Variants in PPP1R12A observed in about 807,000 individuals in gnomAD.
The protein encoded by PPP1R12A is protein phosphatase 1 regulatory subunit 12A.
A neutral mutation model predicts 139.6 loss-of-function variants in PPP1R12A; 19 were observed. The ratio of observed to expected loss-of-function variants is 0.14; its 90% confidence interval spans 0.09 to 0.20. The LOEUF is 0.20. Among genes scored for constraint, PPP1R12A ranks in the 10% least tolerant of loss-of-function variants. PPP1R12A has a pLI of 1.00. For synonymous variants in PPP1R12A, 427 were observed against 420.6 expected (o/e 1.02, Z -0.19); for missense variants, 925 against 1,211.5 (o/e 0.76, Z 3.51).
intron 9 of PPP1R12A, among the ~76,000 whole-genome samples, chr12:79,814,302 C>A (rs1178459046): frequency 6.6e-6 from 1 of 150,488 alleles, no homozygotes; most frequent in African/African-American, 2.4e-5. Flanking sequence ...ACGGTGAAAC[C>A]CCGTCTCTAC....
intron 17 of PPP1R12A, 126 bp from the exon 18 acceptor site, chr12:79,795,885 C>G (rs534299074): frequency 1.0e-5 from 8 of 797,590 alleles, no homozygotes; most frequent in African/African-American, 7.1e-5. Context: ...TAGGCAGCTG[C>G]TACTACTTAG....
intron 2 of PPP1R12A, among the ~76,000 whole-genome samples, chr12:79,859,352 AAGAAAAAAAAAAAAAAAC>A (rs1431007302): frequency 3.1e-4 from 46 of 149,420 alleles, no homozygotes; most frequent in Middle Eastern, 3.5e-3. Context: ...AAAAAAAAGA[AAGAAAAAAAAAAAAAAAC>A]AACAGTGCTC....
chr12:79,903,901 C>A (rs1885867804), intron 1 of PPP1R12A, among the ~76,000 whole-genome samples: 1 of 152,180 alleles, frequency 6.6e-6, no homozygotes, highest in Non-Finnish European at 1.5e-5. Context: ...ACCTCTCCCT[C>A]CCAACACATT....
chr12:79,926,687 TTAAA>T (rs1887866253), intron 1 of PPP1R12A, among the ~76,000 whole-genome samples: 4 of 152,268 alleles, frequency 2.6e-5, no homozygotes, highest in South Asian at 2.1e-4. Context: ...TTTTTAATCA[TTAAA>T]TATTTATTGT....
chr12:79,934,960 C>T lies in PPP1R12A; in HGVS notation c.-29G>A, dbSNP rs905650399. 5 of 1,554,982 alleles carry T rather than the reference C, an allele frequency of 3.2e-6. 1 individual carries two copies. Among genetic ancestry groups the T allele is most frequent in the Non-Finnish European group, 3.5e-6 (4 of 1,147,824 alleles). ...CTCTCCTGCCGCCGGGTCTTCTTAT[C>T]GCGAGGGGGGGAAGGGGGAGGCGGA... On this transcript the variant is annotated 5_prime_UTR_variant, in exon 1 of 25. Transcript: ENST00000450142.
intron 1 of PPP1R12A, among the ~76,000 whole-genome samples, 195 bp from the exon 2 acceptor site, chr12:79,873,133 A>C (rs1360043273): frequency 1.3e-5 from 2 of 152,170 alleles, no homozygotes; most frequent in Non-Finnish European, 2.9e-5. Context: ...GCTTAGGTAC[A>C]CATACAACAG....
intron 1 of PPP1R12A, among the ~76,000 whole-genome samples, chr12:79,884,449 TATATC>T (rs1408990801): frequency 3.3e-5 from 5 of 152,298 alleles, no homozygotes; most frequent in Admixed American, 1.3e-4. Flanking sequence ...CCGCAAAATA[TATATC>T]ATATATCAAT....
intron 2 of PPP1R12A, among the ~76,000 whole-genome samples, chr12:79,847,684 C>G (rs1879565967): frequency 6.6e-6 from 1 of 151,938 alleles, no homozygotes; most frequent in Non-Finnish European, 1.5e-5. Context: ...ATTAAATACA[C>G]AAATAAATGT....
chr12:79,916,398 C>T (rs141699774), intron 1 of PPP1R12A, among the ~76,000 whole-genome samples: 1 of 152,004 alleles, frequency 6.6e-6, no homozygotes. Context: ...GACAGATATT[C>T]ATCGACAAAT....
chr12:79,899,987 A>G (rs1436843701), intron 1 of PPP1R12A, among the ~76,000 whole-genome samples: 2 of 152,156 alleles, frequency 1.3e-5, no homozygotes, highest in African/African-American at 2.4e-5. Context: ...TATTATTCAT[A>G]TATTTGTCTT....
At chr12:79,854,482 A>C (rs912412773) in intron 2 of PPP1R12A, among the ~76,000 whole-genome samples, 4 of 152,092 alleles carry the variant, frequency 2.6e-5, no homozygotes, top group African/African-American at 9.7e-5. Flanking sequence ...CGCTCTTTAG[A>C]TCCCTTAATA....
Position 79,902,946 on chromosome 12 carries a change from C to T in PPP1R12A, c.238-30008G>A, listed in dbSNP as rs182998284. On this transcript the variant is annotated intron_variant, in intron 1 of 24. Coordinates refer to ENST00000450142, the MANE Select transcript of PPP1R12A (RefSeq NM_002480.3). ...TCATTCCCGTGCATGCCCCAATTCCCCCATGCAGGCATACCCACAAAAGGT... is the reference window on the plus strand; with the variant it reads ...TCATTCCCGTGCATGCCCCAATTCCTCCATGCAGGCATACCCACAAAAGGT... 3.3e-5 allele frequency among the ~76,000 whole-genome samples: 5 copies of T among 152,108 alleles called. No homozygotes were observed. The East Asian group carries it at 9.6e-4, about 29-fold the overall frequency.
chr12:79,931,749 T>C (rs1319948409), intron 1 of PPP1R12A, among the ~76,000 whole-genome samples: 1 of 152,148 alleles, frequency 6.6e-6, no homozygotes, highest in South Asian at 2.1e-4. Context: ...TTTGTATCTA[T>C]GGTTAACTTT....
At chr12:79,872,319 A>C (rs1439744726) in intron 2 of PPP1R12A, among the ~76,000 whole-genome samples, 1 of 152,220 alleles carries the variant, frequency 6.6e-6, no homozygotes, top group African/African-American at 2.4e-5. Flanking sequence ...CATTAAAGGT[A>C]GTAGAGAATA....
rs752903677 is a variant in PPP1R12A, at chr12:79,797,408, A to G, written c.2092-13T>C. 3 of 1,565,644 alleles carry G rather than the reference A, an allele frequency of 1.9e-6. No homozygotes were observed. Among genetic ancestry groups the G allele is most frequent in the African/African-American group, 2.7e-5 (2 of 72,796 alleles). ...TTAATGTCACTCCCTGCACACACAA[A>G]AAGATCAATATAATTATGAGATGCA... On this transcript the variant is annotated splice_polypyrimidine_tract_variant and intron_variant, in intron 15 of 24. Coordinates refer to ENST00000450142, the MANE Select transcript of PPP1R12A (RefSeq NM_002480.3).
intron 23 of PPP1R12A, chr12:79,778,952 A>G (rs1418169681): frequency 2.1e-5 from 5 of 235,598 alleles, no homozygotes; most frequent in Non-Finnish European, 4.3e-5. Context: ...ATGCAATCAT[A>G]TTACAGTGAC....
chr12:79,922,827 T>C (rs745435153), intron 1 of PPP1R12A, among the ~76,000 whole-genome samples: 41 of 152,036 alleles, frequency 2.7e-4, no homozygotes, highest in Admixed American at 3.3e-4. Context: ...GTTCTGCACA[T>C]GTATACCAGA....
intron 4 of PPP1R12A, among the ~76,000 whole-genome samples, chr12:79,830,102 T>G (rs555969220): frequency 6.7e-4 from 101 of 151,594 alleles, no homozygotes; most frequent in African/African-American, 2.3e-3. Context: ...GTTCACAAAG[T>G]TAAAAAAAAA....
At chr12:79,855,190 G>A (rs1294252102) in intron 2 of PPP1R12A, among the ~76,000 whole-genome samples, 3 of 151,808 alleles carry the variant, frequency 2.0e-5, no homozygotes, top group Admixed American at 6.6e-5. Context: ...GGGTTTCACC[G>A]TGTTAGCCAG....
Sources: allele counts gnomAD v4.1 joint callset (sites outside exome capture counted in the v4.1 genomes callset), GRCh38; gene constraint gnomAD v4.1.1; transcripts MANE v1.5; gene names NCBI Gene and HGNC (gene_info 2026-07-23, HGNC 2026-07-21).